The following NPIPB11 variants were observed in gnomAD, a reference collection of about 807,000 sequenced individuals.
NPIPB11 encodes the protein nuclear pore complex interacting protein family member B11, also known as nuclear pore complex-interacting protein family member B11.
Under a neutral mutation model 32.8 loss-of-function variants are expected in NPIPB11, and 17 were observed. The observed-to-expected ratio is 0.52, with a 90% confidence interval of 0.35 to 0.78. The LOEUF (loss-of-function observed/expected upper bound fraction) is 0.78, where lower values mean the gene tolerates loss of function less well. Ranked by LOEUF, NPIPB11 falls within the 30% of genes least tolerant of loss-of-function variation. NPIPB11 has a pLI of 0.01. For missense variants in NPIPB11, 537 were observed against 1,000.4 expected, an observed-to-expected ratio of 0.54 and a Z score of 6.25; for synonymous variants, 209 against 398.4, an observed-to-expected ratio of 0.52 and a Z score of 5.66.
intron 2 of NPIPB11, among the ~76,000 whole-genome samples, chr16:29,397,057 G>T (rs1482605476): frequency 6.6e-6 from 1 of 151,148 alleles, no homozygotes; most frequent in Non-Finnish European, 1.5e-5. Flanking sequence ...TGTAATCTGA[G>T]CTACTCAGGA....
chr16:29,393,772 AT>A (rs1963778572), intron 3 of NPIPB11, among the ~76,000 whole-genome samples, 175 bp downstream of exon 3: 1 of 152,196 alleles, frequency 6.6e-6, no homozygotes, highest in Non-Finnish European at 1.5e-5. Context: ...GACCTATTTA[AT>A]TTTCATAACG....
chr16:29,400,970 C>T (rs1487882720), intron 2 of NPIPB11, among the ~76,000 whole-genome samples: 6 of 152,076 alleles, frequency 3.9e-5, no homozygotes, highest in South Asian at 2.1e-4. Context: ...GGTACAGGCT[C>T]GCACCTGGGG....
intron 2 of NPIPB11, among the ~76,000 whole-genome samples, chr16:29,400,090 AG>A (rs1311036340): frequency 6.6e-6 from 1 of 151,920 alleles, no homozygotes; most frequent in African/African-American, 2.4e-5. Context: ...TCAAAAAAAA[AG>A]AAGCCCTCGG....
chr16:29,397,543 C>A lies in NPIPB11; in HGVS notation c.121-3467G>T, dbSNP rs535548400. 1.9e-3 allele frequency: 2,838 copies of A among 1,519,844 alleles called. 12 individuals carry two copies. The highest frequency in any genetic ancestry group is 2.6e-3 in the Middle Eastern group (11 of 4,228). The allele number at this position is 1,519,844 out of a possible 1,614,324, so 94.1% of individuals were successfully genotyped here. ...ACACAGCCCAGTAAAAAGGAAGAAA[C>A]CCCGAGGGTCCAGCGTCTACTCACA... On this transcript the variant is annotated intron_variant, in intron 2 of 7. Coordinates refer to ENST00000524087, the Ensembl canonical transcript of NPIPB11.
rs775903926 is a variant in NPIPB11 at position 29,390,301 on chromosome 16, T to C, written c.297A>G (p.Gly99=). ...AGGCTCTCTGCTGTACATCCGTGGA[T>C]CCATCATGTCCATTTCGAGACCAGA... The change falls in exon 4 of 8, where the codon GGA becomes GGG. Residue 99 remains glycine (G), a synonymous_variant. Coordinates refer to ENST00000524087, the Ensembl canonical transcript of NPIPB11. 8 of 1,578,876 alleles carry C rather than the reference T, an allele frequency of 5.1e-6. No homozygotes were observed. In the East Asian group the frequency reaches 1.6e-4, roughly 31 times the overall value.
intron 2 of NPIPB11, chr16:29,397,577 C>A (rs562318580): frequency 6.6e-7 from 1 of 1,521,612 alleles, no homozygotes; most frequent in Non-Finnish European, 8.9e-7. Flanking sequence ...CACGGATGCA[C>A]TGATGGCTGA....
chr16:29,397,623 A>G, intron 2 of NPIPB11: 1 of 1,467,100 alleles, frequency 6.8e-7, no homozygotes, highest in Non-Finnish European at 9.3e-7. Context: ...GAGCCAAAAG[A>G]GCATCCACCG....
chr16:29,398,912 T>C (rs945546948), intron 2 of NPIPB11, among the ~76,000 whole-genome samples: 60 of 151,796 alleles, frequency 4.0e-4, no homozygotes, highest in Non-Finnish European at 7.9e-4. Flanking sequence ...TCTATAATCA[T>C]CTTACTGCCT....
intron 2 of NPIPB11, among the ~76,000 whole-genome samples, chr16:29,394,287 GT>G (rs1185574630): frequency 1.3e-5 from 2 of 152,096 alleles, no homozygotes; most frequent in African/African-American, 4.8e-5. Flanking sequence ...CACTGCAAAT[GT>G]GGGGTGTTGT....
At chr16:29,393,810 T>C in intron 3 of NPIPB11, 138 bp downstream of exon 3, 2 of 1,234,594 alleles carry the variant, frequency 1.6e-6, no homozygotes, top group East Asian at 2.6e-5. Context: ...TCATAATTCT[T>C]ATGCTAATAA....
chr16:29,402,361 C>T (rs927179080), intron 2 of NPIPB11, among the ~76,000 whole-genome samples: 3 of 111,714 alleles, frequency 2.7e-5, no homozygotes, highest in Non-Finnish European at 5.2e-5. Context: ...TAAAACTATG[C>T]ATATTCTTTC....
At chr16:29,383,149 G>C in exon 8 of NPIPB11, 1 of 1,595,400 alleles carries the variant, frequency 6.3e-7, no homozygotes, top group Admixed American at 1.7e-5. Context: ...ATTATCATCC[G>C]CTGAGGGTGG....
At chr16:29,402,415 T>C in intron 2 of NPIPB11, among the ~76,000 whole-genome samples, 1 of 109,030 alleles carries the variant, frequency 9.2e-6, no homozygotes, top group Non-Finnish European at 1.8e-5. Flanking sequence ...TAAAATAATT[T>C]TATCTTGGAC....
chr16:29,389,252 C>G (rs570633707), intron 5 of NPIPB11, among the ~76,000 whole-genome samples: 8 of 149,444 alleles, frequency 5.4e-5, no homozygotes, highest in Non-Finnish European at 1.0e-4. Flanking sequence ...GTAATCCAAG[C>G]TACTCGGGAG....
At chr16:29,389,109 C>T (rs1228314569) in intron 5 of NPIPB11, among the ~76,000 whole-genome samples, 2 of 150,730 alleles carry the variant, frequency 1.3e-5, no homozygotes, top group Non-Finnish European at 2.9e-5. Context: ...AGATAAGAAT[C>T]GCTTGAACCT....
At chr16:29,403,117 G>A (rs958551013) in intron 2 of NPIPB11, among the ~76,000 whole-genome samples, 5 of 141,954 alleles carry the variant, frequency 3.5e-5, no homozygotes, top group South Asian at 2.3e-4. Context: ...TCGCTCTGTC[G>A]CACAGTCTGG....
In NPIPB11 at chr16:29,389,339, G is replaced by A. The variant is rs893334129; in HGVS notation, c.545+602C>T. ...ACTGCACCATAGCACTCCAGCCTGG[G>A]CGACAGAGCGTGACTCTATCTCAAA... On this transcript the variant is annotated intron_variant, in intron 5 of 7. Transcript: ENST00000524087. 2.1e-5 allele frequency among the ~76,000 whole-genome samples: 3 copies of A among 143,666 alleles called. No individual in the cohort carries two copies. In the East Asian group the frequency reaches 6.0e-4, roughly 29 times the overall value. 94.3% of individuals were successfully genotyped at this position (143,666 alleles called of 152,430 possible). A position where few individuals can be genotyped will look rare whatever the true frequency, so the allele number is the denominator to read the frequency against.
At chr16:29,396,977 G>A (rs890085268) in intron 2 of NPIPB11, among the ~76,000 whole-genome samples, 6 of 151,736 alleles carry the variant, frequency 4.0e-5, no homozygotes, top group South Asian at 2.1e-4. Flanking sequence ...GTGAAACCCC[G>A]TCTCTACTAA....
chr16:29,393,365 T>C (rs1963768533), intron 3 of NPIPB11, among the ~76,000 whole-genome samples: 1 of 151,272 alleles, frequency 6.6e-6, no homozygotes, highest in Admixed American at 6.6e-5. Context: ...TTCCTTGGCC[T>C]CTTTCATTTC....
Sources: allele counts gnomAD v4.1 joint callset (sites outside exome capture counted in the v4.1 genomes callset), GRCh38; gene constraint gnomAD v4.1.1; transcripts MANE v1.5; gene names NCBI Gene and HGNC (gene_info 2026-07-23, HGNC 2026-07-21).